The following PCDH15 variants were observed in gnomAD, a reference collection of about 807,000 sequenced individuals.
The protein encoded by PCDH15 is protocadherin related 15, also known as protocadherin-15.
In PCDH15, 129 loss-of-function variants were observed where a neutral mutation model predicts 178.5. That is an observed-to-expected ratio of 0.72 (90% CI 0.63 to 0.84). The LOEUF is 0.84. Ranked by LOEUF, PCDH15 falls within the 40% of genes least tolerant of loss-of-function variation. PCDH15 has a pLI of 0.00. For missense variants in PCDH15, 2,230 were observed against 2,099.9 expected, an observed-to-expected ratio of 1.06 and a Z score of -1.21; for synonymous variants, 800 against 732.0, an observed-to-expected ratio of 1.09 and a Z score of -1.50.
chr10:54,763,782 C>T (rs545253804), intron 1 of PCDH15, among the ~76,000 whole-genome samples: 1 of 146,868 alleles, frequency 6.8e-6, no homozygotes, highest in African/African-American at 2.5e-5. Flanking sequence ...TATAAATATA[C>T]TATATAAATA....
intron 3 of PCDH15, among the ~76,000 whole-genome samples, chr10:54,876,176 G>A (rs149893909): frequency 1.3e-5 from 2 of 152,194 alleles, no homozygotes; most frequent in African/African-American, 4.8e-5. Flanking sequence ...AAGCCTGGAT[G>A]ACAACACATC....
chr10:54,287,089 C>A (rs1385622035), intron 8 of PCDH15, among the ~76,000 whole-genome samples: 3 of 152,144 alleles, frequency 2.0e-5, no homozygotes, highest in Non-Finnish European at 4.4e-5. Context: ...ATTTGATTTG[C>A]TTAAGACCTC....
intron 1 of PCDH15, among the ~76,000 whole-genome samples, chr10:54,714,265 A>C (rs2095454455): frequency 6.6e-6 from 1 of 152,152 alleles, no homozygotes; most frequent in South Asian, 2.1e-4. Flanking sequence ...TGGTGTCTCT[A>C]AACAGCTCCA....
chr10:54,564,205 T>C (rs918072491), intron 2 of PCDH15, among the ~76,000 whole-genome samples: 35 of 152,108 alleles, frequency 2.3e-4, no homozygotes, highest in African/African-American at 8.2e-4. Context: ...GTCTATCCAC[T>C]TCAAATGATT....
chr10:54,160,812 T>G (rs1188509285), intron 13 of PCDH15, among the ~76,000 whole-genome samples: 1 of 152,164 alleles, frequency 6.6e-6, no homozygotes, highest in Non-Finnish European at 1.5e-5. Flanking sequence ...GTATCTCAAA[T>G]TAATTTGTCA....
intron 8 of PCDH15, among the ~76,000 whole-genome samples, chr10:54,274,011 T>C (rs1483202429): frequency 6.6e-6 from 1 of 152,014 alleles, no homozygotes; most frequent in African/African-American, 2.4e-5. Context: ...TGGAGGCCAT[T>C]ATCCTTAGCA....
intron 30 of PCDH15, among the ~76,000 whole-genome samples, chr10:53,829,810 A>C (rs2132614540): frequency 6.6e-6 from 1 of 152,282 alleles, no homozygotes; most frequent in Non-Finnish European, 1.5e-5. Context: ...CTCACTTTGA[A>C]AACGGAGCTA....
In PCDH15 at chr10:54,684,253, ACAG is replaced by A; in HGVS notation, c.-28-19966_-28-19964del. Among the ~76,000 whole-genome samples, 2 of 152,008 alleles carry A rather than the reference ACAG, an allele frequency of 1.3e-5. 1 individual carries two copies. The highest frequency in any genetic ancestry group is 3.9e-4 in the East Asian group (2 of 5,166). On this transcript the variant is annotated intron_variant, in intron 1 of 37. Coordinates refer to ENST00000644397, the MANE Select transcript of PCDH15 (RefSeq NM_001384140.1). ...AAGAGGTTGTAAACAATTAGAATGT[ACAG>A]CAATAAAGGATACAATAGGTTAAAG...
At chr10:53,958,562 C>G (rs534948054) in intron 23 of PCDH15, among the ~76,000 whole-genome samples, 5 of 152,120 alleles carry the variant, frequency 3.3e-5, no homozygotes, top group Non-Finnish European at 7.4e-5. Context: ...TTCTCTCTCT[C>G]TCTCCAGATA....
chr10:53,990,672 T>C (rs901812654), intron 21 of PCDH15, among the ~76,000 whole-genome samples: 3 of 152,018 alleles, frequency 2.0e-5, no homozygotes, highest in African/African-American at 2.4e-5. Context: ...CCTCACTTGC[T>C]CTCAGCGCCT....
At chr10:55,389,891 G>A (rs1476865278) in intron 2 of PCDH15, among the ~76,000 whole-genome samples, 1 of 151,960 alleles carries the variant, frequency 6.6e-6, no homozygotes, top group Non-Finnish European at 1.5e-5. Context: ...GCAAAATGTT[G>A]AATAAATTAT....
chr10:55,489,888 A>G lies in PCDH15; in HGVS notation c.-156+137737T>C, dbSNP rs186100381. ...AATTAATGACTCCCCAATGTAAAAG[A>G]AATTAAAGCAAAGGAACTTAGAAAG... On this transcript the variant is annotated intron_variant, in intron 2 of 5. Coordinates refer to the PCDH15 transcript ENST00000613346. Among the ~76,000 whole-genome samples, 23 of 151,830 alleles carry G rather than the reference A, an allele frequency of 1.5e-4. No individual in the cohort carries two copies. The East Asian group carries it at 4.5e-3, about 30-fold the overall frequency.
chr10:54,684,249 A>C (rs1169366944), intron 1 of PCDH15, among the ~76,000 whole-genome samples: 1 of 151,866 alleles, frequency 6.6e-6, no homozygotes, highest in Non-Finnish European at 1.5e-5. Context: ...AACAATTAGA[A>C]TGTACAGCAA....
At chr10:55,365,168 G>C (rs770998667) in intron 2 of PCDH15, among the ~76,000 whole-genome samples, 34 of 152,008 alleles carry the variant, frequency 2.2e-4, no homozygotes, top group Non-Finnish European at 4.7e-4. Flanking sequence ...TTCTTTGTAA[G>C]TTGTGTTAGC....
rs1838927265 is a variant in PCDH15, at chr10:55,433,030, AC to A, written c.-156+194594del. Among the ~76,000 whole-genome samples the A allele has an allele frequency of 7.0e-5, 4 of 56,892 alleles. No homozygotes were observed. The African/African-American group carries it at 8.6e-4, about 12-fold the overall frequency. 37.3% of individuals were successfully genotyped at this position (56,892 alleles called of 152,430 possible). A position where few individuals can be genotyped will look rare whatever the true frequency, so the allele number is the denominator to read the frequency against. On this transcript the variant is annotated intron_variant, in intron 2 of 5. Transcript: ENST00000613346. ...CAGAGCAAGACTCCGTCTCAAAAAA[AC>A]AAAACAAAACAAAACAAAACAAAAC... is the stretch of plus-strand genomic sequence containing the variant.
At chr10:53,956,016 A>G (rs1002963527) in intron 23 of PCDH15, among the ~76,000 whole-genome samples, 1 of 152,202 alleles carries the variant, frequency 6.6e-6, no homozygotes, top group African/African-American at 2.4e-5. Flanking sequence ...AAATAAAAAT[A>G]TTCTACCATG....
chr10:55,327,006 C>T (rs969183580), intron 2 of PCDH15, among the ~76,000 whole-genome samples: 8 of 152,058 alleles, frequency 5.3e-5, no homozygotes, highest in Admixed American at 2.0e-4. Context: ...CAGAATGGAT[C>T]ATAAATGTTG....
Position 54,697,093 on chromosome 10 carries a change from T to C in PCDH15, c.-28-32803A>G, listed in dbSNP as rs142420594. Among the ~76,000 whole-genome samples, 9 of 152,194 alleles carry C rather than the reference T, an allele frequency of 5.9e-5. No individual in the cohort carries two copies. In the East Asian group the frequency reaches 1.7e-3, roughly 29 times the overall value. On this transcript the variant is annotated intron_variant, in intron 1 of 37. Transcript: ENST00000644397. The stretch of plus-strand genomic sequence containing the variant: ...CCCAGCTAGTGCCAATTTTTGAAGA[T>C]ATTATTGTTATTATGTCTTTGCAGA...
At chr10:53,995,945 T>C (rs1030572354) in intron 20 of PCDH15, among the ~76,000 whole-genome samples, 180 bp from the exon 21 acceptor site, 1 of 152,114 alleles carries the variant, frequency 6.6e-6, no homozygotes, top group Non-Finnish European at 1.5e-5. Flanking sequence ...AGAGTTCTCA[T>C]ACAATATTAA....
Sources: allele counts gnomAD v4.1 joint callset (sites outside exome capture counted in the v4.1 genomes callset), GRCh38; gene constraint gnomAD v4.1.1; transcripts MANE v1.5; gene names NCBI Gene and HGNC (gene_info 2026-07-23, HGNC 2026-07-21).